The following FGF14 variants were observed in gnomAD, a reference collection of about 807,000 sequenced individuals.
The protein encoded by FGF14 is fibroblast growth factor homologous factor 4.
In FGF14, 5 loss-of-function variants were observed where a neutral mutation model predicts 25.5. That is an observed-to-expected ratio of 0.20 (90% CI 0.10 to 0.41). The LOEUF is 0.41. Ranked by LOEUF, FGF14 falls within the 10% of genes least tolerant of loss-of-function variation. The pLI, the probability that FGF14 is intolerant of heterozygous loss-of-function variation, is 1.00. For missense variants in FGF14, 222 were observed against 320.1 expected, an observed-to-expected ratio of 0.69 and a Z score of 2.34; for synonymous variants, 138 against 118.3, an observed-to-expected ratio of 1.17 and a Z score of -1.08.
chr13:101,933,102 A>G (rs112922094), intron 1 of FGF14, among the ~76,000 whole-genome samples: 9 of 152,366 alleles, frequency 5.9e-5, no homozygotes, highest in African/African-American at 1.9e-4. Flanking sequence ...TAATTTCAGT[A>G]AAGTTAGTGA....
intron 3 of FGF14, among the ~76,000 whole-genome samples, chr13:101,742,157 G>C (rs1404121966): frequency 6.6e-6 from 1 of 152,104 alleles, no homozygotes; most frequent in Non-Finnish European, 1.5e-5. Context: ...TTCTCTTCCT[G>C]TGTTAGTTTG....
intron 1 of FGF14, among the ~76,000 whole-genome samples, chr13:101,900,040 A>T (rs1299546127): frequency 6.6e-6 from 1 of 152,118 alleles, no homozygotes; most frequent in Non-Finnish European, 1.5e-5. Context: ...TTTTGTTATA[A>T]AAAGATAACC....
intron 1 of FGF14, among the ~76,000 whole-genome samples, chr13:101,924,047 C>T (rs778690138): frequency 3.3e-5 from 5 of 151,918 alleles, no homozygotes; most frequent in Non-Finnish European, 7.4e-5. Context: ...TTTTCCTACT[C>T]TAAATCAGTA....
chr13:101,725,078 G>A (rs1281306443), intron 4 of FGF14, among the ~76,000 whole-genome samples: 1 of 151,884 alleles, frequency 6.6e-6, no homozygotes, highest in Non-Finnish European at 1.5e-5. Context: ...TAAAGGGTAA[G>A]GTTCTAAAAA....
intron 1 of FGF14, among the ~76,000 whole-genome samples, chr13:101,981,034 G>A (rs961290449): frequency 6.6e-6 from 1 of 150,574 alleles, no homozygotes; most frequent in African/African-American, 2.4e-5. Context: ...CTGAGTTCAG[G>A]AGTTTCAGAC....
rs1410339994 is a variant in FGF14, at chr13:101,721,434, G to A, written c.*1397C>T. ...AAAATCCTCATGGATGAATGTGTTGGTTTGCCTTTATTTTCATCTAGGATA... is the reference window on the plus strand; with the variant it reads ...AAAATCCTCATGGATGAATGTGTTGATTTGCCTTTATTTTCATCTAGGATA... On this transcript the variant is annotated 3_prime_UTR_variant, in exon 5 of 5. Transcript: ENST00000376143. The A allele has an allele frequency of 7.8e-6, 1 of 128,334 alleles. No homozygotes were observed. Among genetic ancestry groups the A allele is most frequent in the Non-Finnish European group, 1.8e-5 (1 of 55,786 alleles). The allele number at this position is 128,334 out of a possible 1,614,324, so 7.9% of individuals were successfully genotyped here.
intron 1 of FGF14, among the ~76,000 whole-genome samples, chr13:101,883,340 C>A (rs1415661346): frequency 6.6e-6 from 1 of 152,200 alleles, no homozygotes; most frequent in Non-Finnish European, 1.5e-5. Flanking sequence ...TTCTGCAACA[C>A]AGCCACAGAA....
chr13:101,767,044 A>T (rs764895687), intron 3 of FGF14, among the ~76,000 whole-genome samples: 3 of 152,212 alleles, frequency 2.0e-5, no homozygotes, highest in Non-Finnish European at 4.4e-5. Flanking sequence ...TTATTCTCTC[A>T]ATTTATATTG....
chr13:102,096,001 G>GTGTGTA lies in FGF14; in HGVS notation c.209-220706_209-220705insTACACA, dbSNP rs143224591. ...TTTGTGTGTGTGTGTGTGTGTGTGT[G>GTGTGTA]TATATATATATATATAATATATTTC... On this transcript the variant is annotated intron_variant, in intron 1 of 4. Transcript: ENST00000376131. 8.0e-3 allele frequency among the ~76,000 whole-genome samples: 1,082 copies of GTGTGTA among 135,032 alleles called. 8 individuals are homozygous for GTGTGTA. The highest frequency in any genetic ancestry group is 0.02 in the East Asian group (85 of 4,194). The allele number at this position is 135,032 out of a possible 152,430, so 88.6% of individuals were successfully genotyped here. A position where few individuals can be genotyped will look rare whatever the true frequency, so the allele number is the denominator to read the frequency against.
intron 1 of FGF14, among the ~76,000 whole-genome samples, chr13:102,092,751 T>A (rs2140250226): frequency 6.6e-6 from 1 of 152,232 alleles, no homozygotes; most frequent in Admixed American, 6.5e-5. Context: ...ACAACTACAT[T>A]AGATACACAG....
At chr13:102,310,736 T>TC (rs1442806216) in intron 1 of FGF14, among the ~76,000 whole-genome samples, 1 of 119,886 alleles carries the variant, frequency 8.3e-6, no homozygotes, top group East Asian at 3.0e-4. Flanking sequence ...GCTAGAAAAC[T>TC]CCCCTTTCCT....
chr13:102,259,996 A>T (rs1414384637), intron 1 of FGF14, among the ~76,000 whole-genome samples: 1 of 152,156 alleles, frequency 6.6e-6, no homozygotes, highest in Non-Finnish European at 1.5e-5. Context: ...CCCTTTCAGG[A>T]GATTCATAAT....
chr13:101,716,545 A>G lies in FGF14; in HGVS notation c.*6286T>C, dbSNP rs1313495300. On this transcript the variant is annotated 3_prime_UTR_variant, in exon 5 of 5. Coordinates refer to ENST00000376143, the MANE Select transcript of FGF14 (RefSeq NM_004115.4). ...AGAAATAAGGGATCACATTTTTAAA[A>G]CTGGGCAGGGGTTATGCGTACAAGA... 6.6e-6 allele frequency: 1 copy of G among 152,200 alleles called. No homozygotes were observed. Among genetic ancestry groups the G allele is most frequent in the Non-Finnish European group, 1.5e-5 (1 of 68,030 alleles). 9.4% of individuals were successfully genotyped at this position (152,200 alleles called of 1,614,324 possible). A position where few individuals can be genotyped will look rare whatever the true frequency, so the allele number is the denominator to read the frequency against.
chr13:101,773,105 T>C (rs1197790814), intron 3 of FGF14, among the ~76,000 whole-genome samples: 1 of 152,146 alleles, frequency 6.6e-6, no homozygotes, highest in Admixed American at 6.6e-5. Context: ...CTTCCTTTAG[T>C]GAAGCAGGAG....
At chr13:102,146,007 C>T (rs142888432) in intron 1 of FGF14, among the ~76,000 whole-genome samples, 73 of 152,272 alleles carry the variant, frequency 4.8e-4, no homozygotes, top group African/African-American at 1.4e-3. Flanking sequence ...AGAGCAGATC[C>T]AACCTATTAG....
intron 1 of FGF14, among the ~76,000 whole-genome samples, chr13:102,197,717 G>A (rs183067393): frequency 1.9e-3 from 295 of 151,784 alleles, no homozygotes; most frequent in Admixed American, 3.1e-3. Context: ...CATAACACAC[G>A]TATAGATATA....
At chr13:101,856,336 C>T (rs1467489170) in intron 3 of FGF14, among the ~76,000 whole-genome samples, 1 of 151,672 alleles carries the variant, frequency 6.6e-6, no homozygotes, top group Non-Finnish European at 1.5e-5. Context: ...AGAATTTAGG[C>T]ATAGTGGCTA....
At chr13:101,833,820 T>C (rs1052825517) in intron 3 of FGF14, among the ~76,000 whole-genome samples, 11 of 152,140 alleles carry the variant, frequency 7.2e-5, no homozygotes, top group Admixed American at 2.0e-4. Context: ...AGCCTGTCGT[T>C]GTGTCTTGCT....
At chr13:101,899,086 C>T (rs141569093) in intron 1 of FGF14, among the ~76,000 whole-genome samples, 3 of 152,202 alleles carry the variant, frequency 2.0e-5, no homozygotes, top group East Asian at 1.9e-4. Flanking sequence ...ATAAACTATA[C>T]GTTAGCCAAA....
Sources: allele counts gnomAD v4.1 joint callset (sites outside exome capture counted in the v4.1 genomes callset), GRCh38; gene constraint gnomAD v4.1.1; transcripts MANE v1.5; gene names NCBI Gene and HGNC (gene_info 2026-07-23, HGNC 2026-07-21).